The following PTK2 variants were observed in gnomAD, a reference collection of about 807,000 sequenced individuals.
The protein encoded by PTK2 is focal adhesion kinase 1.
Under a neutral mutation model 150.1 loss-of-function variants are expected in PTK2, and 45 were observed. That is an observed-to-expected ratio of 0.30 (90% CI 0.24 to 0.38). The LOEUF (loss-of-function observed/expected upper bound fraction) is 0.38. PTK2 is among the 10% of genes least tolerant of loss of function. PTK2 has a pLI of 1.00. For synonymous variants in PTK2, 432 were observed against 449.2 expected, an observed-to-expected ratio of 0.96 and a Z score of 0.48; for missense variants, 919 against 1,307.3, an observed-to-expected ratio of 0.70 and a Z score of 4.58.
At chr8:140,966,716 T>A (rs1408042596) in intron 1 of PTK2, among the ~76,000 whole-genome samples, 3 of 152,232 alleles carry the variant, frequency 2.0e-5, no homozygotes, top group Non-Finnish European at 4.4e-5. Context: ...ATGATATACA[T>A]GTTTATCTCC....
At chr8:140,914,303 T>C (rs549012535) in intron 2 of PTK2, among the ~76,000 whole-genome samples, 21 of 152,250 alleles carry the variant, frequency 1.4e-4, no homozygotes, top group South Asian at 4.1e-4. Context: ...CAGAAAACCA[T>C]TGAATTTACA....
chr8:140,750,972 G>A (rs956455074), intron 17 of PTK2, among the ~76,000 whole-genome samples: 15 of 152,118 alleles, frequency 9.9e-5, no homozygotes, highest in Non-Finnish European at 2.1e-4. Context: ...AAAATTAGCT[G>A]GATGTGGTGG....
chr8:140,745,933 G>C (rs1244567471), intron 18 of PTK2, among the ~76,000 whole-genome samples: 1 of 151,474 alleles, frequency 6.6e-6, no homozygotes, highest in East Asian at 1.9e-4. Context: ...CTGGGAGGCG[G>C]AGGTTGTAAT....
At chr8:140,784,332 G>A (rs2100083655) in intron 14 of PTK2, among the ~76,000 whole-genome samples, 1 of 152,134 alleles carries the variant, frequency 6.6e-6, no homozygotes, top group Non-Finnish European at 1.5e-5. Flanking sequence ...CAAGAGCCAT[G>A]TGCATAATGC....
chr8:140,657,912 T>G (rs2074920810), exon 32 of PTK2: 1 of 152,212 alleles, frequency 6.6e-6, no homozygotes, highest in South Asian at 2.1e-4. Flanking sequence ...CTTTTGCACA[T>G]AAGAGCATGT....
At chr8:140,809,511 C>A (rs968527663) in intron 10 of PTK2, among the ~76,000 whole-genome samples, 5 of 152,062 alleles carry the variant, frequency 3.3e-5, no homozygotes, top group African/African-American at 4.8e-5. Context: ...GTGGATAGAT[C>A]GATTACTATT....
At chr8:140,891,595 G>C (rs1286069183) in intron 2 of PTK2, among the ~76,000 whole-genome samples, 1 of 152,134 alleles carries the variant, frequency 6.6e-6, no homozygotes, top group Non-Finnish European at 1.5e-5. Context: ...AGAGCCTGAA[G>C]AGACAAGAAA....
chr8:140,783,596 C>G (rs973584514), intron 14 of PTK2, among the ~76,000 whole-genome samples: 6 of 152,104 alleles, frequency 3.9e-5, no homozygotes, highest in African/African-American at 9.7e-5. Context: ...ACTATACCAC[C>G]TTATATTTTA....
intron 4 of PTK2, among the ~76,000 whole-genome samples, chr8:140,872,480 A>T (rs553848697): frequency 2.6e-5 from 4 of 152,204 alleles, no homozygotes; most frequent in Non-Finnish European, 5.9e-5. Flanking sequence ...AACAAATACT[A>T]CCTACTTAAC....
intron 4 of PTK2, among the ~76,000 whole-genome samples, chr8:140,875,222 A>G (rs2100144819): frequency 6.6e-6 from 1 of 152,300 alleles, no homozygotes; most frequent in South Asian, 2.1e-4. Context: ...AAAGGCCCCA[A>G]TAAGAAAGCC....
Position 140,954,158 on chromosome 8 carries a change from T to A in PTK2, c.-121-28409A>T, listed in dbSNP as rs1265631780. On this transcript the variant is annotated intron_variant, in intron 1 of 31. Transcript: ENST00000522684. ...TCACGTCTGGCTAATTTTTGTCTGTTTAGCAGAGATGGGGTTTTGCCATGT... is the reference window on the plus strand; with the variant it reads ...TCACGTCTGGCTAATTTTTGTCTGTATAGCAGAGATGGGGTTTTGCCATGT... 4.6e-5 allele frequency among the ~76,000 whole-genome samples: 7 copies of A among 152,104 alleles called. 1 individual carries two copies.
intron 1 of PTK2, among the ~76,000 whole-genome samples, chr8:140,959,779 G>A (rs891303275): frequency 6.6e-6 from 1 of 151,926 alleles, no homozygotes; most frequent in African/African-American, 2.4e-5. Context: ...GACAGCCTGA[G>A]CCCAGGAGTT....
At chr8:140,958,509 T>C (rs1467160271) in intron 1 of PTK2, among the ~76,000 whole-genome samples, 1 of 152,202 alleles carries the variant, frequency 6.6e-6, no homozygotes, top group Non-Finnish European at 1.5e-5. Context: ...TTTTCTTTTA[T>C]GGTTGCTTTT....
intron 2 of PTK2, among the ~76,000 whole-genome samples, chr8:140,897,711 C>G (rs1251775044): frequency 6.6e-6 from 1 of 152,216 alleles, no homozygotes; most frequent in Non-Finnish European, 1.5e-5. Flanking sequence ...TATTCTGTTT[C>G]TACCAATTAA....
intron 29 of PTK2, chr8:140,670,068 A>AAGG (rs973752883): frequency 3.8e-6 from 1 of 264,840 alleles, no homozygotes; most frequent in African/African-American, 2.2e-5. Flanking sequence ...TTCAAAAAGA[A>AAGG]AGGAGGAGGA....
At chr8:140,831,615 C>G (rs2100115448) in intron 7 of PTK2, among the ~76,000 whole-genome samples, 1 of 152,160 alleles carries the variant, frequency 6.6e-6, no homozygotes, top group South Asian at 2.1e-4. Context: ...AAATTCGAAA[C>G]TGGTCTCAGT....
At chr8:140,932,111 C>A (rs1287919583) in intron 1 of PTK2, among the ~76,000 whole-genome samples, 1 of 152,170 alleles carries the variant, frequency 6.6e-6, no homozygotes, top group Non-Finnish European at 1.5e-5. Flanking sequence ...TCTCCTCAAC[C>A]ACATGACTCT....
At chr8:140,700,520 G>A (rs569217464) in intron 26 of PTK2, among the ~76,000 whole-genome samples, 8 of 148,530 alleles carry the variant, frequency 5.4e-5, no homozygotes, top group Admixed American at 1.4e-4. Context: ...AGTTTCACTC[G>A]TCGCCCAGGC....
intron 1 of PTK2, among the ~76,000 whole-genome samples, chr8:140,960,578 A>C (rs993565686): frequency 1.3e-5 from 2 of 152,198 alleles, no homozygotes; most frequent in African/African-American, 4.8e-5. Context: ...CAATGGTTTT[A>C]CACCAGGCTG....
Sources: allele counts gnomAD v4.1 joint callset (sites outside exome capture counted in the v4.1 genomes callset), GRCh38; gene constraint gnomAD v4.1.1; transcripts MANE v1.5; gene names NCBI Gene and HGNC (gene_info 2026-07-23, HGNC 2026-07-21).